Variants in BRSK2 observed in about 807,000 individuals in gnomAD.
BRSK2 encodes BR serine/threonine kinase 2, also known as serine/threonine-protein kinase BRSK2.
In BRSK2, 19 loss-of-function variants were observed where a neutral mutation model predicts 83.3. The observed-to-expected ratio is 0.23, with a 90% CI of 0.16 to 0.33. The LOEUF (loss-of-function observed/expected upper bound fraction) is 0.33. Ranked by LOEUF, BRSK2 falls within the 10% of genes least tolerant of loss-of-function variation. The pLI is 1.00. For synonymous variants in BRSK2, 519 were observed against 435.4 expected, an observed-to-expected ratio of 1.19 and a Z score of -2.39; for missense variants, 798 against 1,042.3, an observed-to-expected ratio of 0.77 and a Z score of 3.23.
chr11:1,396,319 A>C (rs1846113847), intron 1 of BRSK2, among the ~76,000 whole-genome samples: 1 of 143,296 alleles, frequency 7.0e-6, no homozygotes, highest in Non-Finnish European at 1.5e-5. Context: ...CGCCTCGAGG[A>C]CTGCATGGGG....
At position 1,438,730 on chromosome 11, in the gene BRSK2, AGCCTCCTG is replaced by A. The variant is rs1850692101; in HGVS notation, c.272+345_272+352del. ...TGGCCCTCCCCACATGGCCACGCTG[AGCCTCCTG>A]GCCTCTGCCCAGGACGTCCCCAGCC... On this transcript the variant is annotated intron_variant, in intron 3 of 19. Transcript: ENST00000528841. The surrounding 1 kb of genome is among the most constrained non-coding windows in gnomAD (Gnocchi z 6.4). 6.6e-6 allele frequency among the ~76,000 whole-genome samples: 1 copy of A among 152,012 alleles called. No homozygotes were observed. The highest frequency in any genetic ancestry group is 1.5e-5 in the Non-Finnish European group (1 of 67,974).
At chr11:1,460,421 CCTCCCCTCCTCTTTCT>C in intron 19 of BRSK2, 63 bp from the exon 20 acceptor site, 2 of 877,782 alleles carry the variant, frequency 2.3e-6, no homozygotes, top group Non-Finnish European at 1.5e-6. Flanking sequence ...TCTCTCCTTC[CCTCCCCTCCTCTTTCT>C]CTCCCCCTTT....
chr11:1,412,034 C>T (rs1243167396), intron 1 of BRSK2, among the ~76,000 whole-genome samples: 15 of 80,620 alleles, frequency 1.9e-4, no homozygotes, highest in East Asian at 8.3e-4. Flanking sequence ...CCCCGTCCTG[C>T]GGTGGGTGGA....
At chr11:1,437,190 A>T (rs1056580997) in intron 2 of BRSK2, among the ~76,000 whole-genome samples, 2 of 151,942 alleles carry the variant, frequency 1.3e-5, no homozygotes, top group African/African-American at 4.8e-5. Context: ...GCCCCGACTA[A>T]AGGAGGGCCT....
At chr11:1,458,350 C>T (rs1846912826) in intron 18 of BRSK2, among the ~76,000 whole-genome samples, 1 of 152,170 alleles carries the variant, frequency 6.6e-6, no homozygotes, top group Non-Finnish European at 1.5e-5. Flanking sequence ...CAGTGGAGCC[C>T]ACTGCAGAGG....
chr11:1,454,599 C>T lies in BRSK2; in HGVS notation c.1659C>T (p.Ala553=). The T allele has an allele frequency of 6.2e-7, 1 of 1,612,968 alleles. No individual in the cohort carries two copies. Among genetic ancestry groups the T allele is most frequent in the Non-Finnish European group, 8.5e-7 (1 of 1,179,906 alleles). The change falls in exon 16 of 20, where the codon GCC becomes GCT. Residue 553 remains alanine (A), a synonymous_variant. Transcript: ENST00000528841. The surrounding 1 kb of genome is among the most constrained non-coding windows in gnomAD (Gnocchi z 5.2). ...CCATCAAGGCTGACATCGTGCACGCCTTCCTGTCGGTGAGGCCACAGGGCG... is the reference window on the plus strand; with the variant it reads ...CCATCAAGGCTGACATCGTGCACGCTTTCCTGTCGGTGAGGCCACAGGGCG... The part of the protein sequence containing the change: ...LSSIKADIVH[A]FLSIPSLSHS...
At chr11:1,451,245 TG>T (rs3838784) in intron 14 of BRSK2, 125 bp from the exon 15 acceptor site, 872,027 of 1,115,638 alleles carry the variant, frequency 0.78, 347,353 homozygotes, top group African/African-American at 0.87. Flanking sequence ...CCAGTGCCCC[TG>T]GGGGGGCTGT....
chr11:1,436,147 G>C lies in BRSK2; in HGVS notation c.186+13G>C. 2.8e-6 allele frequency: 3 copies of C among 1,081,716 alleles called. No individual in the cohort carries two copies. The highest frequency in any genetic ancestry group is 2.6e-6 in the Non-Finnish European group (2 of 772,116). The allele number at this position is 1,081,716 out of a possible 1,614,324, so 67.0% of individuals were successfully genotyped here. A position where few individuals can be genotyped will look rare whatever the true frequency, so the allele number is the denominator to read the frequency against. On this transcript the variant is annotated intron_variant, in intron 2 of 19. Coordinates refer to ENST00000528841, the MANE Select transcript of BRSK2 (RefSeq NM_001256627.2). ...GGTGCTGATGAAGGTGGGTGGGGCC[G>C]GGGAGGGAGGCGGGGCCGGCGGTGG...
intron 13 of BRSK2, 46 bp downstream of exon 13, chr11:1,449,882 C>G (rs754003654): frequency 1.4e-6 from 2 of 1,466,492 alleles, no homozygotes; most frequent in African/African-American, 1.4e-5. Flanking sequence ...ACAGAGGCCC[C>G]AACCCTCCCA....
chr11:1,457,649 G>A (rs941246163), intron 18 of BRSK2, among the ~76,000 whole-genome samples: 1 of 152,100 alleles, frequency 6.6e-6, no homozygotes, highest in Non-Finnish European at 1.5e-5. Context: ...CTGGACCCTG[G>A]GGGTCCCCTC....
chr11:1,457,963 G>A (rs537461211), intron 18 of BRSK2, among the ~76,000 whole-genome samples: 7 of 152,292 alleles, frequency 4.6e-5, no homozygotes, highest in South Asian at 4.1e-4. Flanking sequence ...CCAGGTGCTC[G>A]GCCCCGCAGG....
chr11:1,407,394 T>C (rs1418242476), intron 1 of BRSK2, among the ~76,000 whole-genome samples: 5 of 152,144 alleles, frequency 3.3e-5, no homozygotes, highest in Non-Finnish European at 7.4e-5. Context: ...CAGAGTCCAC[T>C]TGGGGGGCTT....
In BRSK2 at chr11:1,423,486, G is replaced by T. The variant is rs529562959; in HGVS notation, c.92-12554G>T. On this transcript the variant is annotated intron_variant, in intron 1 of 19. Coordinates refer to ENST00000528841, the MANE Select transcript of BRSK2 (RefSeq NM_001256627.2). The surrounding 1 kb of genome is among the most constrained non-coding windows in gnomAD (Gnocchi z 6.5). ...TCTGGAATTTGAGGTGCCTTAGGAG[G>T]TTCATGATGAAGGATGCGGCCCACA... 5.3e-5 allele frequency among the ~76,000 whole-genome samples: 8 copies of T among 152,230 alleles called. No homozygotes were observed. In the East Asian group the frequency reaches 1.4e-3, roughly 26 times the overall value.
At position 1,451,471 on chromosome 11, in the gene BRSK2, G is replaced by A. The variant is rs374434534; in HGVS notation, c.1544+52G>A. The A allele has an allele frequency of 1.7e-4, 270 of 1,590,858 alleles. 2 individuals are homozygous for A. In the South Asian group the frequency reaches 2.2e-3, roughly 13 times the overall value. On this transcript the variant is annotated intron_variant, in intron 15 of 19. Coordinates refer to ENST00000528841, the MANE Select transcript of BRSK2 (RefSeq NM_001256627.2). ...TGGTACCTGACACCAGGCTGGCCGG[G>A]AGAGGGGCATGGAACCCTTCCCCTA...
At position 1,440,935 on chromosome 11, in the gene BRSK2, C is replaced by T; in HGVS notation, c.413+7C>T. 6.2e-7 allele frequency: 1 copy of T among 1,603,710 alleles called. No individual in the cohort carries two copies. The highest frequency in any genetic ancestry group is 8.5e-7 in the Non-Finnish European group (1 of 1,175,806). On this transcript the variant is annotated splice_region_variant and intron_variant, in intron 4 of 19. Coordinates refer to ENST00000528841, the MANE Select transcript of BRSK2 (RefSeq NM_001256627.2). ...GCCACAGCCACTCCATATGGTGAGG[C>T]CCCACCCCTGGTGCCCCCCACTCCC...
At chr11:1,445,524 C>G (rs752328945) in intron 10 of BRSK2, 47 bp from the exon 11 acceptor site, 1 of 1,601,612 alleles carries the variant, frequency 6.2e-7, no homozygotes, top group Non-Finnish European at 8.5e-7. Flanking sequence ...CCGGAGGAGC[C>G]GGCGGCCCCG....
intron 12 of BRSK2, among the ~76,000 whole-genome samples, chr11:1,447,224 T>A (rs1286756513): frequency 6.6e-6 from 1 of 152,150 alleles, no homozygotes; most frequent in African/African-American, 2.4e-5. Context: ...TGACCTTCAG[T>A]GGCCTGCATG....
At chr11:1,436,250 G>GGCCCCCCCCCCC in intron 2 of BRSK2, 116 bp downstream of exon 2, 1 of 168,876 alleles carries the variant, frequency 5.9e-6, no homozygotes, top group Non-Finnish European at 9.5e-6. Context: ...GGGGGGGCGG[G>GGCCCCCCCCCCC]CCCTGCAGGC....
At chr11:1,396,709 G>C (rs979410155) in intron 1 of BRSK2, among the ~76,000 whole-genome samples, 5 of 152,246 alleles carry the variant, frequency 3.3e-5, no homozygotes, top group African/African-American at 1.2e-4. Context: ...GGGAGGGTCA[G>C]GCTGTCTCTG....
Sources: allele counts gnomAD v4.1 joint callset (sites outside exome capture counted in the v4.1 genomes callset), GRCh38; gene constraint gnomAD v4.1.1; non-coding constraint Gnocchi (gnomAD v3.1); transcripts MANE v1.5; gene names NCBI Gene and HGNC (gene_info 2026-07-23, HGNC 2026-07-21).